CCDC7: variants seen among roughly 807,000 people sequenced by gnomAD.
CCDC7 encodes the protein coiled-coil domain containing 7.
In CCDC7, 183 loss-of-function variants were observed where a neutral mutation model predicts 196.9. The ratio of observed to expected loss-of-function variants is 0.93; its 90% CI spans 0.82 to 1.05. CCDC7 has a LOEUF of 1.05. Among genes scored for constraint, CCDC7 ranks in the 50% least tolerant of loss-of-function variants. The probability of loss-of-function intolerance (pLI) is 0.00; values close to 1 mark genes in which losing one functional copy is unlikely to be tolerated. For missense variants in CCDC7, 1,540 were observed against 1,482.2 expected (o/e 1.04, Z -0.64); for synonymous variants, 525 against 484.6 (o/e 1.08, Z -1.10).
intron 29 of CCDC7, among the ~76,000 whole-genome samples, chr10:32,803,614 A>G (rs978377307): frequency 6.6e-6 from 1 of 152,002 alleles, no homozygotes; most frequent in Non-Finnish European, 1.5e-5. Context: ...CTGTCAGTCT[A>G]TGTGTGTCTT....
At chr10:32,552,345 T>C (rs913931712) in intron 13 of CCDC7, among the ~76,000 whole-genome samples, 2 of 152,210 alleles carry the variant, frequency 1.3e-5, no homozygotes, top group African/African-American at 4.8e-5. Flanking sequence ...TGAGTTCTTA[T>C]CCATTCTGCA....
At chr10:32,560,844 G>A (rs1224763855) in intron 13 of CCDC7, among the ~76,000 whole-genome samples, 1 of 152,208 alleles carries the variant, frequency 6.6e-6, no homozygotes, top group Admixed American at 6.5e-5. Flanking sequence ...ATGTAAATGG[G>A]CTAAATGCTC....
chr10:32,815,779 C>T (rs768435491), intron 31 of CCDC7, among the ~76,000 whole-genome samples: 8 of 152,150 alleles, frequency 5.3e-5, no homozygotes, highest in Non-Finnish European at 7.4e-5. Flanking sequence ...AAGAGAACCC[C>T]AGTGAGATTA....
At chr10:32,649,216 C>A (rs2068295199) in intron 20 of CCDC7, among the ~76,000 whole-genome samples, 1 of 152,050 alleles carries the variant, frequency 6.6e-6, no homozygotes, top group Non-Finnish European at 1.5e-5. Context: ...GGGCTTAATA[C>A]CTGGGTGATG....
intron 20 of CCDC7, among the ~76,000 whole-genome samples, chr10:32,662,697 CTGGTGTCT>C (rs1362953365): frequency 6.6e-6 from 1 of 152,152 alleles, no homozygotes; most frequent in Non-Finnish European, 1.5e-5. Flanking sequence ...TAATGAAATA[CTGGTGTCT>C]TGGCAGTAGG....
intron 8 of CCDC7, among the ~76,000 whole-genome samples, chr10:32,491,658 T>A (rs999092005): frequency 2.0e-5 from 3 of 152,150 alleles, no homozygotes; most frequent in Admixed American, 2.0e-4. Flanking sequence ...AGCCTGAACT[T>A]CTTTATTTGA....
At chr10:32,875,443 T>C (rs938611678) in intron 41 of CCDC7, among the ~76,000 whole-genome samples, 1 of 152,084 alleles carries the variant, frequency 6.6e-6, no homozygotes, top group Non-Finnish European at 1.5e-5. Flanking sequence ...CAGATGGTTG[T>C]AGATGTGCAG....
At chr10:32,582,106 C>CTATATCTATATATATATATATA (rs2058777910) in intron 16 of CCDC7, among the ~76,000 whole-genome samples, 1 of 103,750 alleles carries the variant, frequency 9.6e-6, no homozygotes, top group Non-Finnish European at 2.2e-5. Flanking sequence ...ACTGTCAGCA[C>CTATATCTATATATATATATATA]TATATATATA....
intron 32 of CCDC7, among the ~76,000 whole-genome samples, chr10:32,828,458 A>AG: frequency 1.0e-5 from 1 of 96,526 alleles, no homozygotes; most frequent in African/African-American, 3.6e-5. Context: ...AAGAAGAAGA[A>AG]GAAGAAGAGG....
chr10:32,759,445 C>G (rs575647674), intron 28 of CCDC7, among the ~76,000 whole-genome samples: 9 of 152,242 alleles, frequency 5.9e-5, no homozygotes, highest in African/African-American at 2.2e-4. Context: ...TGCCACATAT[C>G]TACAACTATC....
chr10:32,630,865 A>G (rs1358167974), intron 18 of CCDC7, among the ~76,000 whole-genome samples: 3 of 152,142 alleles, frequency 2.0e-5, no homozygotes, highest in Non-Finnish European at 4.4e-5. Flanking sequence ...TCCAGTCAGG[A>G]AATGGGGTCT....
At chr10:32,854,547 C>A in intron 41 of CCDC7, 58 bp downstream of exon 42, 2 of 1,115,406 alleles carry the variant, frequency 1.8e-6, no homozygotes, top group Non-Finnish European at 2.6e-6. Context: ...ATATTCTCAT[C>A]GTCTCTATTT....
chr10:32,494,991 A>T (rs1179496239), intron 9 of CCDC7, among the ~76,000 whole-genome samples: 1 of 152,220 alleles, frequency 6.6e-6, no homozygotes, highest in Non-Finnish European at 1.5e-5. Flanking sequence ...CAATGGTTGA[A>T]CTAATTTACA....
At chr10:32,806,247 C>G (rs1456991018) in intron 30 of CCDC7, among the ~76,000 whole-genome samples, 1 of 151,980 alleles carries the variant, frequency 6.6e-6, no homozygotes, top group African/African-American at 2.4e-5. Context: ...TAATAACATA[C>G]CCAGAAAGAA....
chr10:32,548,950 A>G (rs1404434163), intron 13 of CCDC7, among the ~76,000 whole-genome samples: 2 of 152,200 alleles, frequency 1.3e-5, no homozygotes, highest in Non-Finnish European at 2.9e-5. Context: ...GCTGGATCAA[A>G]TGGTAGTTCT....
intron 11 of CCDC7, among the ~76,000 whole-genome samples, chr10:32,535,639 A>G (rs976807232): frequency 6.6e-6 from 1 of 152,180 alleles, no homozygotes; most frequent in African/African-American, 2.4e-5. Flanking sequence ...TTGGAGACCA[A>G]GGTTCTTATT....
At chr10:32,818,302 T>C (rs989424272) in intron 31 of CCDC7, among the ~76,000 whole-genome samples, 11 of 152,288 alleles carry the variant, frequency 7.2e-5, no homozygotes, top group African/African-American at 2.6e-4. Context: ...CCTAAATATA[T>C]ATGCACCCAA....
chr10:32,641,576 A>C (rs1394955802), intron 20 of CCDC7, among the ~76,000 whole-genome samples: 1 of 151,866 alleles, frequency 6.6e-6, no homozygotes, highest in East Asian at 1.9e-4. Context: ...AAAGTTTTTA[A>C]CTCCTTTGCA....
chr10:32,755,347 C>T (rs1302582972), intron 28 of CCDC7, among the ~76,000 whole-genome samples: 1 of 152,150 alleles, frequency 6.6e-6, no homozygotes, highest in Non-Finnish European at 1.5e-5. Context: ...CTCAAGTAGC[C>T]TAACTGGGAG....
Sources: allele counts gnomAD v4.1 joint callset (sites outside exome capture counted in the v4.1 genomes callset), GRCh38; gene constraint gnomAD v4.1.1; transcripts MANE v1.5; gene names NCBI Gene and HGNC (gene_info 2026-07-23, HGNC 2026-07-21).